The following RTN4IP1 variants were observed in gnomAD, a reference collection of about 807,000 sequenced individuals.
RTN4IP1 encodes the protein NAD(P)H oxidoreductase RTN4IP1, mitochondrial.
In RTN4IP1, 32 loss-of-function variants were observed where a neutral mutation model predicts 46.6. That is an observed-to-expected ratio of 0.69 (90% CI 0.52 to 0.92). The LOEUF is 0.92. Among genes scored for constraint, RTN4IP1 ranks in the 40% least tolerant of loss-of-function variants. RTN4IP1 has a pLI of 0.00. For missense variants in RTN4IP1, 424 were observed against 485.8 expected (o/e 0.87, Z 1.20); for synonymous variants, 167 against 161.8 (o/e 1.03, Z -0.24).
chr6:106,586,280 C>T (rs1371742610), intron 7 of RTN4IP1, among the ~76,000 whole-genome samples: 2 of 152,184 alleles, frequency 1.3e-5, no homozygotes, highest in East Asian at 1.9e-4. Flanking sequence ...CAGCGTTGGT[C>T]GGACTGACAC....
At chr6:106,604,740 C>T (rs1288726147) in intron 4 of RTN4IP1, among the ~76,000 whole-genome samples, 1 of 152,170 alleles carries the variant, frequency 6.6e-6, no homozygotes, top group African/African-American at 2.4e-5. Context: ...AAATAATTTG[C>T]TCTTCCTCTA....
intron 4 of RTN4IP1, among the ~76,000 whole-genome samples, chr6:106,616,929 C>T (rs1299009329): frequency 1.3e-5 from 2 of 152,158 alleles, no homozygotes; most frequent in African/African-American, 4.8e-5. Context: ...TGTTGAAATC[C>T]TAACCCCCAG....
chr6:106,602,437 A>C (rs1459345051), intron 5 of RTN4IP1, among the ~76,000 whole-genome samples: 1 of 152,128 alleles, frequency 6.6e-6, no homozygotes, highest in Non-Finnish European at 1.5e-5. Context: ...TAGCCTGCAA[A>C]AATTCTGCTT....
At position 106,619,189 on chromosome 6, in the gene RTN4IP1, C is replaced by T; in HGVS notation, c.620+13G>A. On this transcript the variant is annotated intron_variant, in intron 4 of 8. Coordinates refer to ENST00000369063, the MANE Select transcript of RTN4IP1 (RefSeq NM_032730.5). ...AAAGAGGTTTAGATGCTGCCACTGA[C>T]TGATACACTTACCGTTTTCCTGTGC... is the stretch of plus-strand genomic sequence containing the variant. The T allele has an allele frequency of 1.2e-6, 2 of 1,614,006 alleles. No homozygotes were observed. Among genetic ancestry groups the T allele is most frequent in the Non-Finnish European group, 1.7e-6 (2 of 1,179,908 alleles).
chr6:106,628,766 T>C lies in RTN4IP1; in HGVS notation c.256A>G (p.Ile86Val), dbSNP rs146773051. The part of the protein sequence containing the change: ...VKVHAASVNP[I>V]DVNMRSGYGA... ...AACTTACTTCTCATATTAACGTCTA[T>C]AGGATTTACACTGGCAGCGTGAACT... is the stretch of plus-strand genomic sequence containing the variant. The change falls in exon 1 of 9, where the codon ATA (isoleucine) becomes GTA (valine). Residue 86 changes from isoleucine to valine, a missense_variant. Transcript: ENST00000369063. The C allele has an allele frequency of 1.1e-5, 17 of 1,613,046 alleles. No individual in the cohort carries two copies. Among genetic ancestry groups the C allele is most frequent in the Middle Eastern group, 3.3e-4 (2 of 6,060 alleles).
In RTN4IP1 at chr6:106,629,395, C is replaced by T; in HGVS notation, c.-374G>A. Reference sequence around the variant, plus strand: ...CTCGGCGGGACAAGCAGACACCGCTCGCGATCCAACGCCAGAGAATCGAAC... The same window carrying T: ...CTCGGCGGGACAAGCAGACACCGCTTGCGATCCAACGCCAGAGAATCGAAC... On this transcript the variant is annotated 5_prime_UTR_variant, in exon 1 of 9. Coordinates refer to ENST00000369063, the MANE Select transcript of RTN4IP1 (RefSeq NM_032730.5). The T allele has an allele frequency of 1.8e-6, 1 of 569,520 alleles. No homozygotes were observed. Among genetic ancestry groups the T allele is most frequent in the Non-Finnish European group, 3.1e-6 (1 of 321,412 alleles). 35.3% of individuals were successfully genotyped at this position (569,520 alleles called of 1,614,324 possible). A position where few individuals can be genotyped will look rare whatever the true frequency, so the allele number is the denominator to read the frequency against.
intron 8 of RTN4IP1, among the ~76,000 whole-genome samples, chr6:106,575,890 C>A (rs1775215429): frequency 6.6e-6 from 1 of 152,294 alleles, no homozygotes; most frequent in Middle Eastern, 3.4e-3. Context: ...TTGGCCTCTT[C>A]TTCCACCAGG....
chr6:106,615,003 GA>G (rs2114671829), intron 4 of RTN4IP1, among the ~76,000 whole-genome samples: 1 of 124,626 alleles, frequency 8.0e-6, no homozygotes, highest in Non-Finnish European at 1.6e-5. Context: ...TGAAGCAAAG[GA>G]AGATTCATTT....
intron 5 of RTN4IP1, among the ~76,000 whole-genome samples, chr6:106,594,581 G>A (rs372294399): frequency 2.0e-5 from 3 of 151,868 alleles, no homozygotes; most frequent in African/African-American, 7.3e-5. Flanking sequence ...AGATAAAGCA[G>A]CAGCACACTG....
Position 106,621,506 on chromosome 6 carries a change from C to G in RTN4IP1, c.427-13G>C, listed in dbSNP as rs1304223024. 1.2e-6 allele frequency: 2 copies of G among 1,610,470 alleles called. No homozygotes were observed. The highest frequency in any genetic ancestry group is 2.2e-5 in the East Asian group (1 of 44,870). ...CTGCAGCCCAGACCTGAAACACACA[C>G]AGACAGACAGCTTCATTAGAAACAC... On this transcript the variant is annotated splice_polypyrimidine_tract_variant and intron_variant, in intron 2 of 8. Coordinates refer to ENST00000369063, the MANE Select transcript of RTN4IP1 (RefSeq NM_032730.5).
At chr6:106,588,300 C>T (rs1226690761) in intron 6 of RTN4IP1, among the ~76,000 whole-genome samples, 1 of 152,188 alleles carries the variant, frequency 6.6e-6, no homozygotes, top group Non-Finnish European at 1.5e-5. Context: ...AACTGCAAAG[C>T]TTTCCATTCT....
intron 6 of RTN4IP1, among the ~76,000 whole-genome samples, chr6:106,589,174 AGGAGGAGGAGGAG>A (rs1775563417): frequency 9.3e-5 from 2 of 21,606 alleles, no homozygotes; most frequent in Non-Finnish European, 2.1e-4. Context: ...GAGGCGGTGG[AGGAGGAGGAGGAG>A]GGAGGAGGAG....
At chr6:106,581,428 T>C (rs1301302268) in intron 8 of RTN4IP1, among the ~76,000 whole-genome samples, 1 of 152,234 alleles carries the variant, frequency 6.6e-6, no homozygotes, top group Non-Finnish European at 1.5e-5. Context: ...AGATCTGCTG[T>C]GTCATTCCTT....
At chr6:106,590,498 C>T (rs1338267624) in intron 6 of RTN4IP1, among the ~76,000 whole-genome samples, 5 of 151,636 alleles carry the variant, frequency 3.3e-5, no homozygotes, top group Non-Finnish European at 5.9e-5. Context: ...AGGTGGATCA[C>T]GGGGTCAGGA....
intron 7 of RTN4IP1, 189 bp from the exon 8 acceptor site, chr6:106,583,609 A>G (rs1775419455): frequency 5.8e-6 from 3 of 521,590 alleles, no homozygotes; most frequent in African/African-American, 3.8e-5. Flanking sequence ...TGTTTAATAA[A>G]TAAATAACTG....
At chr6:106,595,252 T>A (rs935728624) in intron 5 of RTN4IP1, among the ~76,000 whole-genome samples, 4 of 152,242 alleles carry the variant, frequency 2.6e-5, no homozygotes, top group Non-Finnish European at 4.4e-5. Context: ...CACGTCGCTC[T>A]GTCCTCTGTA....
chr6:106,595,500 CTTTT>C (rs35264522), intron 5 of RTN4IP1, among the ~76,000 whole-genome samples: 1 of 125,874 alleles, frequency 7.9e-6, no homozygotes, highest in Admixed American at 7.8e-5. Context: ...TACTTTCTTT[CTTTT>C]TTTTTTTTTT....
intron 8 of RTN4IP1, among the ~76,000 whole-genome samples, chr6:106,574,490 GA>G (rs956065462): frequency 1.3e-5 from 2 of 151,732 alleles, no homozygotes; most frequent in East Asian, 3.9e-4. Flanking sequence ...CATGAAACCT[GA>G]ACCTATCACT....
intron 8 of RTN4IP1, among the ~76,000 whole-genome samples, chr6:106,573,916 G>A (rs1434899926): frequency 6.6e-6 from 1 of 152,186 alleles, no homozygotes; most frequent in Non-Finnish European, 1.5e-5. Flanking sequence ...CCACCAAGAT[G>A]ACAGATGTGT....
Sources: gnomAD v4.1 joint callset for allele counts (sites outside exome capture counted in the v4.1 genomes callset) on GRCh38, gnomAD v4.1.1 for gene constraint, MANE v1.5 for transcripts, NCBI Gene and HGNC (gene_info 2026-07-23, HGNC 2026-07-21) for gene names.